The following TBC1D14 variants were observed in gnomAD, a reference collection of about 807,000 sequenced individuals.
The protein encoded by TBC1D14 is TBC1 domain family, member 14.
TBC1D14 carries 26 observed loss-of-function variants against 79.0 expected under a neutral mutation model. The ratio of observed to expected loss-of-function variants is 0.33; its 90% CI spans 0.24 to 0.46. TBC1D14 has a LOEUF of 0.46. Ranked by LOEUF, TBC1D14 falls within the 20% of genes least tolerant of loss-of-function variation. The pLI, the probability that TBC1D14 is intolerant of heterozygous loss-of-function variation, is 1.00. For synonymous variants in TBC1D14, 394 were observed against 349.9 expected (o/e 1.13, Z -1.40); for missense variants, 769 against 887.6 (o/e 0.87, Z 1.70).
intron 2 of TBC1D14, among the ~76,000 whole-genome samples, chr4:6,948,969 G>A (rs895624296): frequency 5.9e-5 from 9 of 151,276 alleles, no homozygotes; most frequent in Admixed American, 4.6e-4. Flanking sequence ...AGGCCGAGGC[G>A]GGTGGATCAC....
At chr4:7,014,846 A>G (rs894180469) in intron 12 of TBC1D14, among the ~76,000 whole-genome samples, 3 of 152,160 alleles carry the variant, frequency 2.0e-5, no homozygotes, top group East Asian at 1.9e-4. Context: ...CTCGCTGGGT[A>G]TAGAGGTGGC....
chr4:6,915,471 GC>G (rs992997432), intron 1 of TBC1D14, among the ~76,000 whole-genome samples: 1 of 152,174 alleles, frequency 6.6e-6, no homozygotes, highest in African/African-American at 2.4e-5. Context: ...TCTGTGACAT[GC>G]CTTTGTGAGC....
At chr4:7,016,654 AT>A (rs1721312336) in intron 12 of TBC1D14, among the ~76,000 whole-genome samples, 1 of 152,262 alleles carries the variant, frequency 6.6e-6, no homozygotes, top group South Asian at 2.1e-4. Context: ...ACACGTACGT[AT>A]GCTGGGAACG....
At chr4:7,024,361 C>G (rs1487034210) in intron 12 of TBC1D14, among the ~76,000 whole-genome samples, 1 of 152,106 alleles carries the variant, frequency 6.6e-6, no homozygotes, top group African/African-American at 2.4e-5. Context: ...GTGGAGATGT[C>G]CCCACCCAGC....
chr4:6,933,651 G>A (rs930688240), intron 2 of TBC1D14, among the ~76,000 whole-genome samples: 4 of 152,158 alleles, frequency 2.6e-5, no homozygotes, highest in Admixed American at 2.0e-4. Flanking sequence ...GATGTAACCT[G>A]ATCACAAAGT....
chr4:6,996,308 A>G lies in TBC1D14; in HGVS notation c.963-17A>G, dbSNP rs1560324838. ...GCGGTATTTATAATGGTGAAAACTC[A>G]TTTCTTTCCTGTCAAGAAATCTCCC... On this transcript the variant is annotated splice_polypyrimidine_tract_variant and intron_variant, in intron 4 of 13. Coordinates refer to ENST00000409757, the MANE Select transcript of TBC1D14 (RefSeq NM_020773.3). 2 of 1,608,502 alleles carry G rather than the reference A, an allele frequency of 1.2e-6. No individual in the cohort carries two copies. Among genetic ancestry groups the G allele is most frequent in the Admixed American group, 1.7e-5 (1 of 59,840 alleles).
intron 2 of TBC1D14, among the ~76,000 whole-genome samples, chr4:6,936,040 G>A (rs1165098840): frequency 2.6e-5 from 4 of 152,200 alleles, no homozygotes; most frequent in Non-Finnish European, 5.9e-5. Flanking sequence ...AAGCAGAAAG[G>A]ATAGAATTCC....
At chr4:7,015,177 G>A (rs148976183) in intron 12 of TBC1D14, among the ~76,000 whole-genome samples, 26 of 152,210 alleles carry the variant, frequency 1.7e-4, no homozygotes, top group South Asian at 8.3e-4. Flanking sequence ...GGGCCAGGGG[G>A]AGTGGGAGAA....
chr4:6,921,784 C>T (rs1037969221), intron 1 of TBC1D14, among the ~76,000 whole-genome samples: 57 of 151,348 alleles, frequency 3.8e-4, no homozygotes, highest in African/African-American at 1.3e-3. Context: ...GCAACCTCCA[C>T]CTCCTGGGTT....
At chr4:7,024,957 G>C (rs748197963) in intron 12 of TBC1D14, 47 bp from the exon 13 acceptor site, 9 of 1,605,564 alleles carry the variant, frequency 5.6e-6, no homozygotes, top group Non-Finnish European at 6.8e-6. Context: ...TTCTTTCTTT[G>C]TTAGGAGAGA....
chr4:6,921,941 C>T (rs143922911), intron 1 of TBC1D14, among the ~76,000 whole-genome samples: 1,673 of 152,218 alleles, frequency 0.011, 14 homozygotes, highest in Middle Eastern at 0.037. Flanking sequence ...TCGACCTGCC[C>T]GCCTCAGCCT....
chr4:6,930,119 A>T (rs34379427), intron 2 of TBC1D14, among the ~76,000 whole-genome samples: 13,534 of 152,300 alleles, frequency 0.089, 779 homozygotes, highest in Middle Eastern at 0.16. Context: ...TGGAACTGTG[A>T]TGCTCTGCAA....
chr4:7,028,336 C>T (rs1003026390), intron 13 of TBC1D14, among the ~76,000 whole-genome samples: 22 of 151,644 alleles, frequency 1.5e-4, no homozygotes, highest in Non-Finnish European at 8.8e-5. Context: ...ATTATTTGAC[C>T]GTAGGACATT....
intron 2 of TBC1D14, among the ~76,000 whole-genome samples, chr4:6,959,779 C>T (rs1289490847): frequency 6.6e-6 from 1 of 152,108 alleles, no homozygotes; most frequent in Non-Finnish European, 1.5e-5. Context: ...CTTCTTTGGC[C>T]TTTTGCTTGC....
At chr4:6,992,750 G>T (rs1718632517) in intron 3 of TBC1D14, among the ~76,000 whole-genome samples, 1 of 152,220 alleles carries the variant, frequency 6.6e-6, no homozygotes, top group African/African-American at 2.4e-5. Flanking sequence ...GCTTCATGAG[G>T]GCTAGTGCCG....
intron 12 of TBC1D14, among the ~76,000 whole-genome samples, chr4:7,020,678 T>C (rs947467657): frequency 1.3e-5 from 2 of 152,204 alleles, no homozygotes; most frequent in South Asian, 4.1e-4. Flanking sequence ...CTCCCTTTAT[T>C]TGGTTGAGTT....
intron 9 of TBC1D14, among the ~76,000 whole-genome samples, chr4:7,008,079 C>T (rs4689571): frequency 0.44 from 66,551 of 152,148 alleles, 15,128 homozygotes; most frequent in East Asian, 0.6. Context: ...ACTGGCCTAA[C>T]AGGGCTGTTG....
chr4:6,947,661 CAAA>C (rs60601291), intron 2 of TBC1D14, among the ~76,000 whole-genome samples: 206 of 117,268 alleles, frequency 1.8e-3, no homozygotes, highest in Admixed American at 7.2e-3. Flanking sequence ...GATTCCGTCT[CAAA>C]AAAAAAAAAA....
intron 9 of TBC1D14, among the ~76,000 whole-genome samples, chr4:7,008,362 C>T (rs563866544): frequency 6.6e-6 from 1 of 152,186 alleles, no homozygotes; most frequent in Admixed American, 6.5e-5. Context: ...AAGCAAAGAA[C>T]AGTTGAGGGG....
Sources: allele counts gnomAD v4.1 joint callset (sites outside exome capture counted in the v4.1 genomes callset), GRCh38; gene constraint gnomAD v4.1.1; transcripts MANE v1.5; gene names NCBI Gene and HGNC (gene_info 2026-07-23, HGNC 2026-07-21).